TIAM2: variants seen among roughly 807,000 people sequenced by gnomAD.
TIAM2 encodes TIAM Rac1 associated GEF 2.
TIAM2 carries 80 observed loss-of-function variants against 152.9 expected under a neutral mutation model. The ratio of observed to expected loss-of-function variants is 0.52; its 90% CI spans 0.44 to 0.63. The LOEUF (loss-of-function observed/expected upper bound fraction) is 0.63. Ranked by LOEUF, TIAM2 falls within the 30% of genes least tolerant of loss-of-function variation. TIAM2 has a pLI of 0.00. For missense variants in TIAM2, 1,965 were observed against 2,120.1 expected, an observed-to-expected ratio of 0.93 and a Z score of 1.44; for synonymous variants, 804 against 838.0, an observed-to-expected ratio of 0.96 and a Z score of 0.70.
intron 14 of TIAM2, 79 bp from the exon 15 acceptor site, chr6:155,211,125 C>T (rs1781707133): frequency 1.6e-6 from 2 of 1,284,034 alleles, no homozygotes; most frequent in South Asian, 2.6e-5. Flanking sequence ...TTCCTTTCTC[C>T]ATGTGAGCCT....
At chr6:155,068,166 C>G (rs374961813) in intron 1 of TIAM2, among the ~76,000 whole-genome samples, 373 of 152,286 alleles carry the variant, frequency 2.4e-3, no homozygotes, top group Middle Eastern at 0.01. Flanking sequence ...AGTTTCCAGC[C>G]TCTTGCCCTA....
At chr6:155,049,796 CT>C (rs35756298) in intron 1 of TIAM2, among the ~76,000 whole-genome samples, 75,742 of 150,810 alleles carry the variant, frequency 0.5, 20,770 homozygotes, top group East Asian at 0.81. Flanking sequence ...ACAAAAGTAT[CT>C]TTTTTTTTTC....
chr6:155,025,677 A>G (rs932348442), intron 1 of TIAM2, among the ~76,000 whole-genome samples: 2 of 152,018 alleles, frequency 1.3e-5, no homozygotes, highest in Non-Finnish European at 2.9e-5. Context: ...TTTTTTCATC[A>G]AAGTTGAAAT....
rs944606507 is a variant in TIAM2, at chr6:155,177,899, G to A, written c.2523+922G>A. On this transcript the variant is annotated intron_variant, in intron 10 of 26. Coordinates refer to ENST00000682666, the MANE Select transcript of TIAM2 (RefSeq NM_012454.4). ...GTATCAGAAGTAGTGGGTCAGCTGG[G>A]AGCAGTGGCTCATGCCTGTAATCCC... Among the ~76,000 whole-genome samples the A allele has an allele frequency of 3.3e-5, 5 of 152,234 alleles. No homozygotes were observed. The East Asian group carries it at 9.7e-4, about 29-fold the overall frequency.
chr6:155,123,385 C>T (rs1375632798), intron 2 of TIAM2, among the ~76,000 whole-genome samples: 7 of 152,136 alleles, frequency 4.6e-5, no homozygotes, highest in African/African-American at 1.7e-4. Flanking sequence ...CGCCCTTGGT[C>T]TGGGGTCCGC....
chr6:155,033,188 C>T (rs918988668), intron 1 of TIAM2, among the ~76,000 whole-genome samples: 1 of 152,118 alleles, frequency 6.6e-6, no homozygotes, highest in African/African-American at 2.4e-5. Flanking sequence ...CCATGACGGC[C>T]CCAGGCCCTC....
intron 14 of TIAM2, 117 bp from the exon 15 acceptor site, chr6:155,211,087 T>C: frequency 1.3e-6 from 1 of 767,532 alleles, no homozygotes; most frequent in South Asian, 1.8e-5. Flanking sequence ...AGGACTGCTC[T>C]GTACTGCCTC....
In TIAM2 at chr6:155,218,201, C is replaced by T. The variant is rs187859370; in HGVS notation, c.3168+6894C>T. 1.3e-4 allele frequency among the ~76,000 whole-genome samples: 20 copies of T among 152,310 alleles called. No homozygotes were observed. The highest frequency in any genetic ancestry group is 4.6e-4 in the African/African-American group (19 of 41,560). On this transcript the variant is annotated intron_variant, in intron 15 of 26. Coordinates refer to ENST00000682666, the MANE Select transcript of TIAM2 (RefSeq NM_012454.4). The surrounding 1 kb of genome is among the most constrained non-coding windows in gnomAD (Gnocchi z 4.5). Reference sequence around the variant, plus strand: ...TTCAATAGATGAATAGAATCATGATCCTTTTCTTAAAACCAAACATGCCTA... The same window carrying T: ...TTCAATAGATGAATAGAATCATGATTCTTTTCTTAAAACCAAACATGCCTA...
At chr6:155,140,481 A>G (rs1779667099) in intron 5 of TIAM2, among the ~76,000 whole-genome samples, 1 of 151,734 alleles carries the variant, frequency 6.6e-6, no homozygotes, top group African/African-American at 2.4e-5. Flanking sequence ...CTGCCTGTCT[A>G]TGGATTTGAA....
intron 14 of TIAM2, among the ~76,000 whole-genome samples, chr6:155,199,691 A>T (rs2115183513): frequency 6.6e-6 from 1 of 152,362 alleles, no homozygotes; most frequent in East Asian, 1.9e-4. Context: ...TTATGAAGCG[A>T]AAAAAGCAAA....
At position 155,205,182 on chromosome 6, in the gene TIAM2, TAAAAAAAAAAAAAAAAAA is replaced by T. The variant is rs61272546; in HGVS notation, c.3065-6001_3065-5984del. Among the ~76,000 whole-genome samples the T allele has an allele frequency of 6.9e-4, 28 of 40,546 alleles. 2 individuals are homozygous for T. The highest frequency in any genetic ancestry group is 1.2e-3 in the African/African-American group (11 of 9,276). 26.6% of individuals were successfully genotyped at this position (40,546 alleles called of 152,430 possible). A position where few individuals can be genotyped will look rare whatever the true frequency, so the allele number is the denominator to read the frequency against. ...TATAGCAACTACCATTATTAATTTC[TAAAAAAAAAAAAAAAAAA>T]AAAAAAAAAAAAAAAAAAAAGTCAT... On this transcript the variant is annotated intron_variant, in intron 14 of 26. Transcript: ENST00000682666.
chr6:155,138,924 A>G (rs1384330277), intron 5 of TIAM2, among the ~76,000 whole-genome samples: 1 of 152,154 alleles, frequency 6.6e-6, no homozygotes, highest in Non-Finnish European at 1.5e-5. Flanking sequence ...TTTTATAAGC[A>G]TTGCCATTTA....
chr6:155,240,820 G>C, intron 16 of TIAM2, 111 bp downstream of exon 16: 1 of 1,114,382 alleles, frequency 9.0e-7, no homozygotes, highest in Non-Finnish European at 1.3e-6. Flanking sequence ...ACTCCCCAGG[G>C]GGGGACACCT....
chr6:155,045,453 G>T (rs1345239905), intron 1 of TIAM2, among the ~76,000 whole-genome samples: 1 of 108,316 alleles, frequency 9.2e-6, no homozygotes, highest in Admixed American at 9.0e-5. Context: ...ATACTTATTA[G>T]AATTTTTTTT....
Position 155,129,475 on chromosome 6 carries a change from G to A in TIAM2, c.252G>A (p.Lys84=), listed in dbSNP as rs987011637. The A allele has an allele frequency of 1.2e-6, 2 of 1,614,052 alleles. No individual in the cohort carries two copies. Among genetic ancestry groups the A allele is most frequent in the Non-Finnish European group, 1.7e-6 (2 of 1,180,008 alleles). The stretch of plus-strand genomic sequence containing the variant: ...CGAGACTCGGTGGCCCCACATGCAA[G>A]GTCTCCAGAGGTGTTGCCTACTCCA... The part of the protein sequence containing the change: ...YASRLGGPTC[K]VSRGVAYSTH... Residue 84 remains lysine, a synonymous_variant, in exon 4 of 27, where the codon AAG becomes AAA. Transcript: ENST00000682666. This position sits in a 1 kb window ranked among gnomAD's most constrained non-coding sequence, Gnocchi z 4.8.
rs183876696 is a variant in TIAM2 at position 155,164,980 on chromosome 6, G to A, written c.2215-283G>A. On this transcript the variant is annotated intron_variant, in intron 8 of 26. Coordinates refer to ENST00000682666, the MANE Select transcript of TIAM2 (RefSeq NM_012454.4). Reference sequence around the variant, plus strand: ...GCGCCCCATCAGGTTTTTTGAAGTCGTACCCATTTTGGTGGCTTCTGTGTG... The same window carrying A: ...GCGCCCCATCAGGTTTTTTGAAGTCATACCCATTTTGGTGGCTTCTGTGTG... 1.5e-3 allele frequency among the ~76,000 whole-genome samples: 233 copies of A among 152,224 alleles called. 1 individual carries two copies. The highest frequency in any genetic ancestry group is 4.8e-3 in the African/African-American group (200 of 41,538).
At chr6:155,079,454 G>A (rs1347093617) in intron 1 of TIAM2, among the ~76,000 whole-genome samples, 1 of 152,170 alleles carries the variant, frequency 6.6e-6, no homozygotes, top group Non-Finnish European at 1.5e-5. Flanking sequence ...TTGATTACTG[G>A]TGCTGTGCCT....
Position 155,129,894 on chromosome 6 carries a change from C to G in TIAM2, c.671C>G (p.Pro224Arg), listed in dbSNP as rs750915603. ...ARRGSSADSL[P>R]SHRPSPTDSR... ...AGGGGGTCCAGCGCCGATTCCCTGC[C>G]CAGCCATCGCCCCTCTCCCACGGAC... is the stretch of plus-strand genomic sequence containing the variant. Residue 224 changes from proline (P) to arginine (R), a missense_variant, in exon 4 of 27, where the codon CCC becomes CGC. Transcript: ENST00000682666. This position sits in a 1 kb window ranked among gnomAD's most constrained non-coding sequence, Gnocchi z 4.8. The G allele has an allele frequency of 6.2e-7, 1 of 1,613,848 alleles. No homozygotes were observed. Among genetic ancestry groups the G allele is most frequent in the Admixed American group, 1.7e-5 (1 of 60,028 alleles).
intron 10 of TIAM2, 65 bp from the exon 11 acceptor site, chr6:155,178,974 C>T (rs1780825515): frequency 7.8e-7 from 1 of 1,282,044 alleles, no homozygotes; most frequent in South Asian, 1.3e-5. Flanking sequence ...TTTAATAAGC[C>T]TGCTAACCAA....
Sources: gnomAD v4.1 joint callset for allele counts (sites outside exome capture counted in the v4.1 genomes callset) on GRCh38, gnomAD v4.1.1 for gene constraint, Gnocchi (gnomAD v3.1) non-coding constraint, MANE v1.5 for transcripts, NCBI Gene and HGNC (gene_info 2026-07-23, HGNC 2026-07-21) for gene names.